LGR6: variants seen among roughly 807,000 people sequenced by gnomAD.
The protein encoded by LGR6 is leucine rich repeat containing G protein-coupled receptor 6.
A neutral mutation model predicts 69.4 loss-of-function variants in LGR6; 45 were observed. The observed-to-expected ratio is 0.65, with a 90% CI of 0.51 to 0.83. The LOEUF is 0.83. Among genes scored for constraint, LGR6 ranks in the 40% least tolerant of loss-of-function variants. LGR6 has a pLI of 0.00. For missense variants in LGR6, 1,108 were observed against 1,246.7 expected (o/e 0.89, Z 1.68); for synonymous variants, 538 against 555.0 (o/e 0.97, Z 0.43).
intron 4 of LGR6, among the ~76,000 whole-genome samples, chr1:202,273,580 C>A (rs1268719367): frequency 6.6e-6 from 1 of 151,962 alleles, no homozygotes; most frequent in Non-Finnish European, 1.5e-5. Flanking sequence ...GCCTCAGCCT[C>A]CCGAGTAGCT....
intron 6 of LGR6, among the ~76,000 whole-genome samples, chr1:202,291,634 T>C (rs1571977215): frequency 6.6e-6 from 1 of 152,196 alleles, no homozygotes; most frequent in East Asian, 1.9e-4. Context: ...ACAATATGCA[T>C]GCAGAAAACC....
At chr1:202,279,798 A>G (rs1665864904) in intron 5 of LGR6, among the ~76,000 whole-genome samples, 1 of 152,220 alleles carries the variant, frequency 6.6e-6, no homozygotes, top group African/African-American at 2.4e-5. Context: ...TCCGACACCA[A>G]TTCAATTTTT....
chr1:202,244,776 C>T (rs1662508186), intron 4 of LGR6, among the ~76,000 whole-genome samples: 1 of 152,208 alleles, frequency 6.6e-6, no homozygotes, highest in Non-Finnish European at 1.5e-5. Context: ...TCACCCACTA[C>T]AAGGCGAGGA....
intron 1 of LGR6, among the ~76,000 whole-genome samples, chr1:202,214,470 G>A (rs1398574525): frequency 6.6e-6 from 1 of 151,794 alleles, no homozygotes; most frequent in Non-Finnish European, 1.5e-5. Context: ...GCTGGGGTGG[G>A]CAGGGGCGCG....
intron 4 of LGR6, among the ~76,000 whole-genome samples, chr1:202,241,985 A>G (rs1662246880): frequency 6.6e-6 from 1 of 152,168 alleles, no homozygotes; most frequent in South Asian, 2.1e-4. Context: ...CAGCCAATCC[A>G]AAACAGATTG....
intron 1 of LGR6, chr1:202,194,472 G>T: frequency 3.2e-6 from 2 of 628,392 alleles, no homozygotes; most frequent in East Asian, 3.1e-5. Context: ...CAGGCTTGGC[G>T]AGGTGGGTTC....
chr1:202,213,986 T>C (rs992443963), intron 1 of LGR6: 12 of 932,686 alleles, frequency 1.3e-5, no homozygotes, highest in Middle Eastern at 5.4e-4. Context: ...CTAGTCTTTC[T>C]ATAGCTCTGA....
intron 1 of LGR6, chr1:202,194,602 G>A (rs750602707): frequency 1.8e-6 from 1 of 546,508 alleles, no homozygotes; most frequent in Admixed American, 1.9e-5. Flanking sequence ...TGGAGGTGGA[G>A]GTGAGGGGAG....
intron 4 of LGR6, among the ~76,000 whole-genome samples, chr1:202,266,203 G>A (rs1364574979): frequency 6.6e-6 from 1 of 152,168 alleles, no homozygotes; most frequent in Non-Finnish European, 1.5e-5. Flanking sequence ...CTGGAGGTGG[G>A]GGAGTGGGGG....
intron 15 of LGR6, among the ~76,000 whole-genome samples, chr1:202,309,419 G>GA (rs1380975253): frequency 6.6e-6 from 1 of 152,202 alleles, no homozygotes; most frequent in East Asian, 1.9e-4. Context: ...TGAGCACTGG[G>GA]ACCTGAGAGT....
At position 202,228,035 on chromosome 1, in the gene LGR6, T is replaced by C. The variant is rs368371675; in HGVS notation, c.356+28T>C. Reference sequence around the variant, plus strand: ...AAGTATAGGTACACCTCATTTTACATAGAGCTGCAGCACTGAGAATGGTGA... The same window carrying C: ...AAGTATAGGTACACCTCATTTTACACAGAGCTGCAGCACTGAGAATGGTGA... On this transcript the variant is annotated intron_variant, in intron 3 of 17. Transcript: ENST00000367278. 2.0e-6 allele frequency: 3 copies of C among 1,497,722 alleles called. No individual in the cohort carries two copies. In the African/African-American group the frequency reaches 4.1e-5, roughly 21 times the overall value. 92.8% of individuals were successfully genotyped at this position (1,497,722 alleles called of 1,614,324 possible).
chr1:202,295,557 T>A (rs114479131), intron 6 of LGR6, among the ~76,000 whole-genome samples: 2,468 of 152,320 alleles, frequency 0.016, 80 homozygotes, highest in African/African-American at 0.056. Context: ...TCTCCCAGTC[T>A]GGTTTTCTAG....
At chr1:202,235,080 C>T (rs909536060) in intron 3 of LGR6, among the ~76,000 whole-genome samples, 12 of 152,202 alleles carry the variant, frequency 7.9e-5, no homozygotes, top group Non-Finnish European at 1.5e-4. Flanking sequence ...CCTGCGCTTT[C>T]GAGTGCTATC....
chr1:202,202,326 C>T (rs561176652), intron 1 of LGR6, among the ~76,000 whole-genome samples: 12 of 152,306 alleles, frequency 7.9e-5, no homozygotes, highest in South Asian at 2.1e-4. Flanking sequence ...AACACACAAA[C>T]GCAATCCAAG....
At chr1:202,196,271 G>A (rs1277393059) in intron 1 of LGR6, among the ~76,000 whole-genome samples, 1 of 152,120 alleles carries the variant, frequency 6.6e-6, no homozygotes, top group Non-Finnish European at 1.5e-5. Context: ...GTTGTCCTGA[G>A]GGTGTCTCAG....
intron 6 of LGR6, among the ~76,000 whole-genome samples, chr1:202,293,199 C>A (rs1243268551): frequency 6.6e-6 from 1 of 152,180 alleles, no homozygotes; most frequent in Non-Finnish European, 1.5e-5. Flanking sequence ...GGAGACAGCC[C>A]CCTAGAATTA....
rs184332955 is a variant in LGR6 at position 202,316,855 on chromosome 1, T to G, written c.1649-1097T>G. The stretch of plus-strand genomic sequence containing the variant: ...AAATGAAGAAATAATATTTCCAAAG[T>G]TACAAGGTGATTTAGGAACAGACTT... On this transcript the variant is annotated intron_variant, in intron 17 of 17. Coordinates refer to ENST00000367278, the MANE Select transcript of LGR6 (RefSeq NM_001017403.2). 1.5e-3 allele frequency among the ~76,000 whole-genome samples: 233 copies of G among 152,198 alleles called. 2 individuals carry two copies. In the East Asian group the frequency reaches 0.019, roughly 13 times the overall value.
intron 4 of LGR6, among the ~76,000 whole-genome samples, chr1:202,266,606 C>G (rs1479515680): frequency 6.6e-6 from 1 of 152,140 alleles, no homozygotes. Context: ...AGCCCTCACT[C>G]CCTGCGTCAC....
At chr1:202,314,428 C>T (rs1355506730) in intron 16 of LGR6, among the ~76,000 whole-genome samples, 1 of 152,206 alleles carries the variant, frequency 6.6e-6, no homozygotes, top group Admixed American at 6.5e-5. Context: ...CACAAAATTA[C>T]AGTGACAGCC....
Sources: allele counts gnomAD v4.1 joint callset (sites outside exome capture counted in the v4.1 genomes callset), GRCh38; gene constraint gnomAD v4.1.1; transcripts MANE v1.5; gene names NCBI Gene and HGNC (gene_info 2026-07-23, HGNC 2026-07-21).